The following PRKD3 variants were observed in gnomAD, a reference collection of about 807,000 sequenced individuals.
PRKD3 encodes the protein serine/threonine-protein kinase D3.
A neutral mutation model predicts 99.2 loss-of-function variants in PRKD3; 47 were observed. The ratio of observed to expected loss-of-function variants is 0.47; its 90% CI spans 0.38 to 0.60. The LOEUF (loss-of-function observed/expected upper bound fraction) is 0.60. PRKD3 is among the 20% of genes least tolerant of loss of function. The probability of loss-of-function intolerance (pLI) is 0.00; values close to 1 mark genes in which losing one functional copy is unlikely to be tolerated. For synonymous variants in PRKD3, 392 were observed against 355.4 expected (o/e 1.10, Z -1.16); for missense variants, 1,019 against 1,088.4 (o/e 0.94, Z 0.90).
At chr2:37,321,482 T>G (rs1671882030) in intron 1 of PRKD3, among the ~76,000 whole-genome samples, 1 of 152,086 alleles carries the variant, frequency 6.6e-6, no homozygotes, top group Admixed American at 6.5e-5. Flanking sequence ...TCCTTCCCCT[T>G]CCCCCATGCA....
In PRKD3 at chr2:37,307,122, C is replaced by T. The variant is rs140819872; in HGVS notation, c.288+9115G>A. On this transcript the variant is annotated intron_variant, in intron 2 of 18. Transcript: ENST00000234179. ...CTAGATGCTGGAAGCCCCCCTGCTC[C>T]AGTTGTGCATCCAAAAACGTCTCCA... 9.7e-3 allele frequency among the ~76,000 whole-genome samples: 1,472 copies of T among 152,286 alleles called. 29 individuals carry two copies. Among genetic ancestry groups the T allele is most frequent in the African/African-American group, 0.034 (1,415 of 41,548 alleles).
At chr2:37,263,772 A>G (rs956416543) in intron 14 of PRKD3, among the ~76,000 whole-genome samples, 40 of 152,216 alleles carry the variant, frequency 2.6e-4, no homozygotes, top group African/African-American at 8.9e-4. Flanking sequence ...CTGAAGAGAC[A>G]TGCACCTCTG....
intron 2 of PRKD3, among the ~76,000 whole-genome samples, chr2:37,299,262 A>G (rs548851034): frequency 6.6e-6 from 1 of 152,262 alleles, no homozygotes; most frequent in African/African-American, 2.4e-5. Flanking sequence ...CCATCCTCAT[A>G]TTCTAGAAGA....
At chr2:37,271,145 T>C (rs1041856901) in intron 12 of PRKD3, among the ~76,000 whole-genome samples, 2 of 152,218 alleles carry the variant, frequency 1.3e-5, no homozygotes, top group Admixed American at 6.5e-5. Context: ...AACAGCTAAG[T>C]GCCCCAAGTA....
In PRKD3 at chr2:37,253,228, T is replaced by TG; in HGVS notation, c.2621dup (p.His876AlafsTer7). On this transcript the variant is annotated frameshift_variant, in exon 19 of 19. Coordinates refer to ENST00000234179, the MANE Select transcript of PRKD3 (RefSeq NM_005813.6). LOFTEE classifies it high-confidence loss of function. ...GATTAGGAGCCATAATGAAGTGCTT[T>TG]GGGTATACAAGGTTATGTGTGTATG... The TG allele has an allele frequency of 1.2e-6, 2 of 1,612,714 alleles. No homozygotes were observed. The highest frequency in any genetic ancestry group is 1.7e-6 in the Non-Finnish European group (2 of 1,179,042).
intron 10 of PRKD3, among the ~76,000 whole-genome samples, chr2:37,275,435 T>A (rs1206281790): frequency 6.6e-6 from 1 of 152,156 alleles, no homozygotes; most frequent in Non-Finnish European, 1.5e-5. Flanking sequence ...ACTAAATACC[T>A]CACTGACCTC....
chr2:37,274,667 A>G lies in PRKD3; in HGVS notation c.1405T>C (p.Ser469Pro), dbSNP rs1464884014. The change falls in exon 11 of 19, where the codon TCT becomes CCT. Residue 469 changes from serine (S) to proline (P), a missense_variant. Coordinates refer to ENST00000234179, the MANE Select transcript of PRKD3 (RefSeq NM_005813.6). The part of the protein sequence containing the change: ...EIPLSEILRI[S>P]SPRDFTNISQ... ...ATGTTTGTGAAATCTCGTGGTGAAGATATGCGGAGAATTTCTGAAAGTGGA... is the reference window on the plus strand; with the variant it reads ...ATGTTTGTGAAATCTCGTGGTGAAGGTATGCGGAGAATTTCTGAAAGTGGA... 1.2e-6 allele frequency: 2 copies of G among 1,613,780 alleles called. No individual in the cohort carries two copies. Among genetic ancestry groups the G allele is most frequent in the Admixed American group, 3.3e-5 (2 of 60,014 alleles).
intron 6 of PRKD3, among the ~76,000 whole-genome samples, chr2:37,283,327 C>T (rs986555568): frequency 4.8e-5 from 7 of 146,096 alleles, no homozygotes; most frequent in Non-Finnish European, 8.9e-5. Context: ...CTCTGTAAGT[C>T]ATACTGAAGT....
At position 37,250,984 on chromosome 2, in the gene PRKD3, C is replaced by T. The variant is rs950199489; in HGVS notation, c.*2193G>A. The stretch of plus-strand genomic sequence containing the variant: ...CTTCTTAGGCATTTAACAACAAATA[C>T]AAAGAGTGCAATTAATTTCATGGCT... On this transcript the variant is annotated 3_prime_UTR_variant, in exon 19 of 19. Transcript: ENST00000234179. 1 of 152,526 alleles carries T rather than the reference C, an allele frequency of 6.6e-6. No homozygotes were observed. The allele number at this position is 152,526 out of a possible 1,614,324, so 9.4% of individuals were successfully genotyped here. A position where few individuals can be genotyped will look rare whatever the true frequency, so the allele number is the denominator to read the frequency against.
chr2:37,285,147 T>C (rs191437386), intron 6 of PRKD3, among the ~76,000 whole-genome samples: 9 of 152,304 alleles, frequency 5.9e-5, no homozygotes, highest in Non-Finnish European at 1.2e-4. Flanking sequence ...TATAAGATTA[T>C]AGTTAGACTA....
At chr2:37,267,318 A>G (rs751124229) in intron 14 of PRKD3, 112 bp downstream of exon 14, 95 of 682,992 alleles carry the variant, frequency 1.4e-4, no homozygotes, top group Non-Finnish European at 2.1e-4. Context: ...TATAATGCCT[A>G]TATTACCATA....
rs1279885496 is a variant in PRKD3 at position 37,324,736 on chromosome 2, A to T, written c.-711T>A. ...GCGCCCGCCAGCGTCTGAGTACCGG[A>T]CGAGGCGCCAGCGAGGCTTCACGCG... is the stretch of plus-strand genomic sequence containing the variant. On this transcript the variant is annotated 5_prime_UTR_variant, in exon 1 of 19. Transcript: ENST00000234179. 2 of 151,076 alleles carry T rather than the reference A, an allele frequency of 1.3e-5. No homozygotes were observed. Among genetic ancestry groups the T allele is most frequent in the East Asian group, 3.9e-4 (2 of 5,136 alleles). 9.4% of individuals were successfully genotyped at this position (151,076 alleles called of 1,614,324 possible). A position where few individuals can be genotyped will look rare whatever the true frequency, so the allele number is the denominator to read the frequency against.
chr2:37,305,626 G>C (rs757872128), intron 2 of PRKD3, among the ~76,000 whole-genome samples: 15 of 152,290 alleles, frequency 9.8e-5, no homozygotes, highest in Admixed American at 5.2e-4. Context: ...CTTAAAACAA[G>C]TAATCCAGGC....
chr2:37,307,966 C>G (rs1319345687), intron 2 of PRKD3, among the ~76,000 whole-genome samples: 1 of 152,228 alleles, frequency 6.6e-6, no homozygotes, highest in Non-Finnish European at 1.5e-5. Flanking sequence ...TGATTGTTCT[C>G]TATTTCTATG....
intron 16 of PRKD3, 33 bp downstream of exon 16, chr2:37,259,550 G>C: frequency 6.6e-6 from 10 of 1,524,774 alleles, no homozygotes; most frequent in Non-Finnish European, 9.0e-6. Flanking sequence ...AATGTTGCCA[G>C]AATCATTTAA....
At chr2:37,284,873 T>C (rs1011972122) in intron 6 of PRKD3, among the ~76,000 whole-genome samples, 1 of 152,178 alleles carries the variant, frequency 6.6e-6, no homozygotes, top group Admixed American at 6.5e-5. Flanking sequence ...ACATGTGCCA[T>C]GCTGGTGTGC....
At chr2:37,283,955 T>C (rs995482863) in intron 6 of PRKD3, among the ~76,000 whole-genome samples, 1 of 150,958 alleles carries the variant, frequency 6.6e-6, no homozygotes, top group Admixed American at 6.6e-5. Context: ...CCTGCAAGTA[T>C]GTAGGTTTGA....
rs566369112 is a variant in PRKD3, at chr2:37,316,618, A to G, written c.-94T>C. 9 of 1,506,988 alleles carry G rather than the reference A, an allele frequency of 6.0e-6. No homozygotes were observed. The South Asian group carries it at 1.1e-4, about 18-fold the overall frequency. The allele number at this position is 1,506,988 out of a possible 1,614,324, so 93.4% of individuals were successfully genotyped here. A position where few individuals can be genotyped will look rare whatever the true frequency, so the allele number is the denominator to read the frequency against. On this transcript the variant is annotated 5_prime_UTR_variant, in exon 2 of 19. Transcript: ENST00000234179. ...TAACAGCAGTAAAGAAAATGACCGC[A>G]CTTTTGGATTTAGTTGAAAACTTCT...
chr2:37,280,479 T>C (rs1348950222), intron 7 of PRKD3, among the ~76,000 whole-genome samples: 1 of 152,176 alleles, frequency 6.6e-6, no homozygotes. Flanking sequence ...CCACCACCAT[T>C]ATGGTCAACT....
Sources: allele counts gnomAD v4.1 joint callset (sites outside exome capture counted in the v4.1 genomes callset), GRCh38; gene constraint gnomAD v4.1.1; transcripts MANE v1.5; gene names NCBI Gene and HGNC (gene_info 2026-07-23, HGNC 2026-07-21).